Variants in FARS2 observed in about 807,000 individuals in gnomAD.
FARS2 encodes phenylalanyl-tRNA synthetase 2, mitochondrial.
Under a neutral mutation model 46.4 loss-of-function variants are expected in FARS2, and 40 were observed. The observed-to-expected ratio is 0.86, with a 90% CI of 0.67 to 1.12. FARS2 has a LOEUF of 1.12. Among genes scored for constraint, FARS2 ranks in the 50% most tolerant of loss-of-function variants. The pLI, the probability that FARS2 is intolerant of heterozygous loss-of-function variation, is 0.00. For missense variants in FARS2, 513 were observed against 567.9 expected, an observed-to-expected ratio of 0.90 and a Z score of 0.98; for synonymous variants, 234 against 214.9, an observed-to-expected ratio of 1.09 and a Z score of -0.78.
rs371776140 is a variant in FARS2, at chr6:5,353,628, C to A, written c.-21-14922C>A. On this transcript the variant is annotated intron_variant, in intron 1 of 6. Transcript: ENST00000274680. ...CATTGTGGTTTTGATTTGCATTTCC[C>A]TGATGATTTATGATGTTGAACAGTT... Among the ~76,000 whole-genome samples the A allele has an allele frequency of 5.9e-5, 9 of 151,704 alleles. No homozygotes were observed. In the East Asian group the frequency reaches 1.2e-3, roughly 20 times the overall value.
chr6:5,540,972 C>A (rs1370882527), intron 4 of FARS2, among the ~76,000 whole-genome samples: 2 of 152,008 alleles, frequency 1.3e-5, no homozygotes, highest in Non-Finnish European at 2.9e-5. Context: ...GTGTGAGGGG[C>A]CTTTGGTGCT....
At chr6:5,500,846 G>C (rs1471637375) in intron 4 of FARS2, among the ~76,000 whole-genome samples, 2 of 151,920 alleles carry the variant, frequency 1.3e-5, no homozygotes, top group African/African-American at 4.8e-5. Context: ...TGGTATTTAG[G>C]ACAGCCACTT....
At chr6:5,691,193 A>G (rs1757689105) in intron 6 of FARS2, among the ~76,000 whole-genome samples, 2 of 152,152 alleles carry the variant, frequency 1.3e-5, no homozygotes, top group Non-Finnish European at 2.9e-5. Flanking sequence ...TCAACTCGTC[A>G]AAGTCATTCT....
At chr6:5,587,668 A>G (rs1773691189) in intron 5 of FARS2, among the ~76,000 whole-genome samples, 1 of 152,198 alleles carries the variant, frequency 6.6e-6, no homozygotes, top group Admixed American at 6.5e-5. Context: ...GAAACCTGAA[A>G]CGAATATTTC....
At chr6:5,539,380 T>TTTTGTG (rs1554106762) in intron 4 of FARS2, among the ~76,000 whole-genome samples, 9 of 79,832 alleles carry the variant, frequency 1.1e-4, no homozygotes, top group Admixed American at 2.7e-4. Flanking sequence ...CTAATTTTTT[T>TTTTGTG]TGTGTATATA....
intron 1 of FARS2, among the ~76,000 whole-genome samples, chr6:5,344,942 A>G (rs1385699483): frequency 6.6e-6 from 1 of 151,792 alleles, no homozygotes; most frequent in Non-Finnish European, 1.5e-5. Context: ...GGTGCGTAAC[A>G]CCACACCTGA....
At chr6:5,336,803 C>A (rs1771192973) in intron 1 of FARS2, among the ~76,000 whole-genome samples, 1 of 152,128 alleles carries the variant, frequency 6.6e-6, no homozygotes, top group Non-Finnish European at 1.5e-5. Flanking sequence ...TCATGCACTG[C>A]AGATATTTCC....
chr6:5,693,239 T>C (rs1757880637), intron 6 of FARS2, among the ~76,000 whole-genome samples: 1 of 152,014 alleles, frequency 6.6e-6, no homozygotes, highest in African/African-American at 2.4e-5. Context: ...CTGGAACAGA[T>C]GAAAGAGAAA....
At chr6:5,342,992 C>T (rs1195415012) in intron 1 of FARS2, among the ~76,000 whole-genome samples, 5 of 152,094 alleles carry the variant, frequency 3.3e-5, no homozygotes, top group African/African-American at 7.2e-5. Context: ...ACTACAGGCC[C>T]GTCATCGACA....
At chr6:5,526,847 C>T (rs1260298253) in intron 4 of FARS2, among the ~76,000 whole-genome samples, 1 of 152,080 alleles carries the variant, frequency 6.6e-6, no homozygotes, top group Non-Finnish European at 1.5e-5. Flanking sequence ...AAACTCCTGA[C>T]CTCAGATGAT....
intron 1 of FARS2, among the ~76,000 whole-genome samples, chr6:5,323,376 C>T (rs1770121164): frequency 6.6e-6 from 1 of 152,072 alleles, no homozygotes; most frequent in South Asian, 2.1e-4. Flanking sequence ...TTTTATGACA[C>T]CTTGGACTTA....
In FARS2 at chr6:5,346,616, G is replaced by A. The variant is rs540010300; in HGVS notation, c.-21-21934G>A. The stretch of plus-strand genomic sequence containing the variant: ...CCAACATTTTATTATGAAAAATTTC[G>A]AGCATACAGGAAAAGTTGAAAAAAT... On this transcript the variant is annotated intron_variant, in intron 1 of 6. Coordinates refer to ENST00000274680, the MANE Select transcript of FARS2 (RefSeq NM_006567.5). 2.6e-5 allele frequency among the ~76,000 whole-genome samples: 4 copies of A among 152,074 alleles called. No homozygotes were observed. In the South Asian group the frequency reaches 8.3e-4, roughly 32 times the overall value.
the FARS2 span, among the ~76,000 whole-genome samples, chr6:5,253,686 G>A: frequency 0.02 from 3,005 of 152,110 alleles, 90 homozygotes; most frequent in African/African-American, 0.068. Flanking sequence ...AGTTGTCACC[G>A]ACCAATTGAG....
chr6:5,323,947 C>T (rs187138406), intron 1 of FARS2, among the ~76,000 whole-genome samples: 111 of 152,292 alleles, frequency 7.3e-4, no homozygotes, highest in Non-Finnish European at 1.2e-3. Context: ...AACCTCCCTC[C>T]AGCCGGGAAG....
chr6:5,250,198 TTATTA>T, the FARS2 span, among the ~76,000 whole-genome samples: 2 of 152,128 alleles, frequency 1.3e-5, no homozygotes, highest in African/African-American at 2.4e-5. Context: ...GTATTTTATT[TTATTA>T]TATTTTACTA....
intron 5 of FARS2, among the ~76,000 whole-genome samples, chr6:5,601,012 A>G (rs1435779242): frequency 1.3e-5 from 2 of 152,154 alleles, no homozygotes; most frequent in Non-Finnish European, 2.9e-5. Flanking sequence ...GAGACAGCAG[A>G]ACTTGCAGCT....
chr6:5,411,148 T>G (rs1761922618), intron 3 of FARS2, among the ~76,000 whole-genome samples: 1 of 152,158 alleles, frequency 6.6e-6, no homozygotes, highest in Non-Finnish European at 1.5e-5. Flanking sequence ...GCCCAATGGC[T>G]CACGCCTGTA....
chr6:5,513,617 C>T lies in FARS2; in HGVS notation c.905-31563C>T, dbSNP rs532203025. 2.0e-5 allele frequency among the ~76,000 whole-genome samples: 3 copies of T among 152,332 alleles called. No homozygotes were observed. In the East Asian group the frequency reaches 5.8e-4, roughly 29 times the overall value. ...CTACCTTTTTCTACTCCTGGCATTG[C>T]CTTGTGGCCTTCTGTTCCTGAGCCT... On this transcript the variant is annotated intron_variant, in intron 4 of 6. Coordinates refer to ENST00000274680, the MANE Select transcript of FARS2 (RefSeq NM_006567.5).
intron 3 of FARS2, among the ~76,000 whole-genome samples, chr6:5,416,677 A>G (rs899623896): frequency 4.6e-5 from 7 of 152,312 alleles, no homozygotes; most frequent in African/African-American, 1.4e-4. Flanking sequence ...GCTTTCTATG[A>G]GTAACATTTT....
Sources: gnomAD v4.1 joint callset for allele counts (sites outside exome capture counted in the v4.1 genomes callset) on GRCh38, gnomAD v4.1.1 for gene constraint, MANE v1.5 for transcripts, NCBI Gene and HGNC (gene_info 2026-07-23, HGNC 2026-07-21) for gene names.